Variants in MCTP1 observed in about 807,000 individuals in gnomAD.
The protein encoded by MCTP1 is multiple C2 and transmembrane domain-containing protein 1.
A neutral mutation model predicts 120.6 loss-of-function variants in MCTP1; 69 were observed. The ratio of observed to expected loss-of-function variants is 0.57; its 90% CI spans 0.47 to 0.70. The LOEUF (loss-of-function observed/expected upper bound fraction) is 0.70, where lower values mean the gene tolerates loss of function less well. Ranked by LOEUF, MCTP1 falls within the 30% of genes least tolerant of loss-of-function variation. MCTP1 has a pLI of 0.00. For missense variants in MCTP1, 1,203 were observed against 1,248.8 expected (o/e 0.96, Z 0.55); for synonymous variants, 529 against 493.1 (o/e 1.07, Z -0.96).
chr5:95,241,052 G>A (rs191180442), intron 1 of MCTP1, among the ~76,000 whole-genome samples: 6 of 151,932 alleles, frequency 3.9e-5, no homozygotes, highest in African/African-American at 1.4e-4. Flanking sequence ...ATTTTGGGGG[G>A]TACTTTGTTT....
chr5:94,715,238 TAC>T (rs1268782764), intron 19 of MCTP1, among the ~76,000 whole-genome samples: 1 of 151,950 alleles, frequency 6.6e-6, no homozygotes, highest in Non-Finnish European at 1.5e-5. Flanking sequence ...GATCCACTGA[TAC>T]ACTACTTAGT....
chr5:95,126,143 G>A (rs1433900997), intron 1 of MCTP1, among the ~76,000 whole-genome samples: 3 of 152,144 alleles, frequency 2.0e-5, no homozygotes, highest in Non-Finnish European at 4.4e-5. Flanking sequence ...ATACTCAGAT[G>A]AAACTAACAG....
intron 2 of MCTP1, chr5:94,981,021 T>G (rs1190023445): frequency 6.6e-6 from 1 of 152,144 alleles, no homozygotes; most frequent in Non-Finnish European, 1.5e-5. Context: ...TCACCCCTTA[T>G]GCTAAAAACA....
chr5:95,089,995 C>T (rs1257290862), intron 1 of MCTP1, among the ~76,000 whole-genome samples: 2 of 152,152 alleles, frequency 1.3e-5, no homozygotes, highest in African/African-American at 4.8e-5. Flanking sequence ...AGGCCTCTCC[C>T]CAGGGCCCCA....
At chr5:95,005,518 G>A (rs1834541120) in intron 2 of MCTP1, among the ~76,000 whole-genome samples, 1 of 152,116 alleles carries the variant, frequency 6.6e-6, no homozygotes, top group Admixed American at 6.5e-5. Flanking sequence ...GGAGGGAGCT[G>A]GTGGGTGGCG....
chr5:95,190,371 C>G (rs555027056), intron 1 of MCTP1, among the ~76,000 whole-genome samples: 1 of 152,208 alleles, frequency 6.6e-6, no homozygotes, highest in Admixed American at 6.5e-5. Flanking sequence ...AATATAAAGA[C>G]AGCATTTAAT....
chr5:95,147,677 TG>T (rs1330527047), intron 1 of MCTP1, among the ~76,000 whole-genome samples: 2 of 152,156 alleles, frequency 1.3e-5, no homozygotes, highest in African/African-American at 4.8e-5. Flanking sequence ...GCTTTTTAAG[TG>T]GGGGGCTTAG....
chr5:95,144,770 T>C (rs1760236593), intron 1 of MCTP1, among the ~76,000 whole-genome samples: 1 of 152,218 alleles, frequency 6.6e-6, no homozygotes. Context: ...TCTGTGTATC[T>C]GTTTTTATAA....
intron 2 of MCTP1, among the ~76,000 whole-genome samples, chr5:94,977,033 T>G (rs1279661536): frequency 1.3e-5 from 2 of 152,042 alleles, no homozygotes; most frequent in African/African-American, 4.8e-5. Context: ...GAAGTAAAAT[T>G]GGCCCTGTTT....
intron 1 of MCTP1, among the ~76,000 whole-genome samples, chr5:95,069,351 T>C (rs1751509069): frequency 6.6e-6 from 1 of 152,238 alleles, no homozygotes; most frequent in Non-Finnish European, 1.5e-5. Context: ...GAAGCCAAGT[T>C]TATTGTATCA....
intron 1 of MCTP1, among the ~76,000 whole-genome samples, chr5:95,087,777 T>C (rs1755542791): frequency 6.6e-6 from 1 of 152,130 alleles, no homozygotes. Flanking sequence ...TCTCATTTCA[T>C]TATACCCATG....
chr5:94,908,225 A>T (rs979836), intron 10 of MCTP1, among the ~76,000 whole-genome samples: 5,885 of 152,134 alleles, frequency 0.039, 397 homozygotes, highest in African/African-American at 0.13. Context: ...TGCTTTAAAA[A>T]GGCTTGAAAT....
intron 18 of MCTP1, among the ~76,000 whole-genome samples, chr5:94,779,909 G>A (rs1776211607): frequency 6.6e-6 from 1 of 152,050 alleles, no homozygotes; most frequent in African/African-American, 2.4e-5. Context: ...CAGTCATTTT[G>A]GATTTACCAA....
chr5:94,871,080 A>G, intron 14 of MCTP1, 107 bp from the exon 15 acceptor site: 1 of 897,764 alleles, frequency 1.1e-6, no homozygotes, highest in Non-Finnish European at 1.8e-6. Context: ...AACCCAAAAC[A>G]ACTGTGGCAA....
intron 1 of MCTP1, among the ~76,000 whole-genome samples, chr5:95,030,685 A>C (rs1309901349): frequency 6.6e-6 from 1 of 152,246 alleles, no homozygotes; most frequent in African/African-American, 2.4e-5. Flanking sequence ...AGTCTCATAG[A>C]AATGATGGCG....
chr5:94,943,208 C>T (rs1818146946), intron 3 of MCTP1, among the ~76,000 whole-genome samples: 1 of 151,966 alleles, frequency 6.6e-6, no homozygotes, highest in Non-Finnish European at 1.5e-5. Flanking sequence ...TGGGGAGCTG[C>T]TATTTTAGAT....
At chr5:95,073,947 C>T (rs184610646) in intron 1 of MCTP1, among the ~76,000 whole-genome samples, 191 of 152,172 alleles carry the variant, frequency 1.3e-3, no homozygotes, top group African/African-American at 4.5e-3. Context: ...CCCGTCTCTA[C>T]TGAAAATACA....
chr5:95,053,083 C>T (rs1746435837), intron 1 of MCTP1, among the ~76,000 whole-genome samples: 1 of 152,000 alleles, frequency 6.6e-6, no homozygotes, highest in Admixed American at 6.5e-5. Flanking sequence ...ATTTTTGGCA[C>T]AAAATGATAC....
At chr5:94,923,398 A>G (rs1812209048) in intron 7 of MCTP1, among the ~76,000 whole-genome samples, 1 of 152,212 alleles carries the variant, frequency 6.6e-6, no homozygotes, top group African/African-American at 2.4e-5. Context: ...TTAATCATCA[A>G]AGAGTAAGTT....
Sources: gnomAD v4.1 joint callset for allele counts (sites outside exome capture counted in the v4.1 genomes callset) on GRCh38, gnomAD v4.1.1 for gene constraint, MANE v1.5 for transcripts, NCBI Gene and HGNC (gene_info 2026-07-23, HGNC 2026-07-21) for gene names.